CSMD3: variants seen among roughly 807,000 people sequenced by gnomAD.
The protein encoded by CSMD3 is CUB and Sushi multiple domains 3, also known as CUB and sushi domain-containing protein 3.
A neutral mutation model predicts 435.2 loss-of-function variants in CSMD3; 177 were observed. That is an observed-to-expected ratio of 0.41 (90% confidence interval 0.36 to 0.46). The LOEUF is 0.46. Ranked by LOEUF, CSMD3 falls within the 20% of genes least tolerant of loss-of-function variation. CSMD3 has a pLI of 0.34. For synonymous variants in CSMD3, 1,656 were observed against 1,520.5 expected, an observed-to-expected ratio of 1.09 and a Z score of -2.07; for missense variants, 4,265 against 4,504.6, an observed-to-expected ratio of 0.95 and a Z score of 1.52.
chr8:112,890,379 A>G (rs1041998799), intron 10 of CSMD3, among the ~76,000 whole-genome samples: 1 of 151,746 alleles, frequency 6.6e-6, no homozygotes, highest in African/African-American at 2.4e-5. Flanking sequence ...TAGAAACATG[A>G]GGTAACATTA....
intron 4 of CSMD3, among the ~76,000 whole-genome samples, chr8:113,115,908 C>A (rs774010659): frequency 6.6e-6 from 1 of 152,008 alleles, no homozygotes; most frequent in African/African-American, 2.4e-5. Context: ...GGGATTAGTG[C>A]CTAGAAAATA....
chr8:112,725,791 A>C (rs1044902172), intron 13 of CSMD3, among the ~76,000 whole-genome samples: 1 of 152,002 alleles, frequency 6.6e-6, no homozygotes, highest in African/African-American at 2.4e-5. Flanking sequence ...TTTGAATTTC[A>C]ATCCATAAAG....
intron 28 of CSMD3, among the ~76,000 whole-genome samples, chr8:112,508,563 C>G (rs776204442): frequency 1.3e-5 from 2 of 152,132 alleles, no homozygotes; most frequent in Non-Finnish European, 2.9e-5. Context: ...GGATTCAGAG[C>G]ACAACATTCT....
intron 32 of CSMD3, among the ~76,000 whole-genome samples, chr8:112,442,248 A>G (rs1815104903): frequency 6.6e-6 from 1 of 152,108 alleles, no homozygotes; most frequent in South Asian, 2.1e-4. Flanking sequence ...TTCATGAGGG[A>G]TCCATCCCCA....
chr8:113,350,013 G>A (rs949969727), intron 1 of CSMD3, among the ~76,000 whole-genome samples: 9 of 151,908 alleles, frequency 5.9e-5, no homozygotes, highest in African/African-American at 1.2e-4. Flanking sequence ...TCTAGAGTCC[G>A]AGGCTACCAT....
chr8:113,047,913 A>C (rs2087905866), intron 5 of CSMD3, among the ~76,000 whole-genome samples: 1 of 152,164 alleles, frequency 6.6e-6, no homozygotes, highest in Non-Finnish European at 1.5e-5. Flanking sequence ...ATACTACTGT[A>C]ACTTCTTTGA....
chr8:113,136,298 G>C (rs901965344), intron 4 of CSMD3, among the ~76,000 whole-genome samples: 1 of 151,482 alleles, frequency 6.6e-6, no homozygotes, highest in Non-Finnish European at 1.5e-5. Context: ...TTGAGCATTT[G>C]AACTGTGGCT....
chr8:113,142,273 T>A (rs2091567007), intron 4 of CSMD3, among the ~76,000 whole-genome samples: 1 of 151,300 alleles, frequency 6.6e-6, no homozygotes, highest in Non-Finnish European at 1.5e-5. Flanking sequence ...AAACTTAATC[T>A]AAAATTTATA....
rs531194510 is a variant in CSMD3, at chr8:112,484,837, TA to T, written c.5278+7651del. On this transcript the variant is annotated intron_variant, in intron 31 of 70. Coordinates refer to ENST00000297405, the MANE Select transcript of CSMD3 (RefSeq NM_198123.2). ...CATTTTGGATTTGGGATTTTCAGAT[TA>T]GGGGTGTTCAACTGGTAAGTATAAA... Among the ~76,000 whole-genome samples, 58 of 152,160 alleles carry T rather than the reference TA, an allele frequency of 3.8e-4. 2 individuals are homozygous for T. In the South Asian group the frequency reaches 0.01, roughly 27 times the overall value.
At chr8:112,686,795 A>T (rs559284988) in intron 14 of CSMD3, among the ~76,000 whole-genome samples, 34 of 151,918 alleles carry the variant, frequency 2.2e-4, no homozygotes, top group Middle Eastern at 3.2e-3. Flanking sequence ...CTTTTATTAC[A>T]TATTTTTTAA....
At chr8:112,273,797 T>C (rs1422563757) in intron 59 of CSMD3, among the ~76,000 whole-genome samples, 2 of 151,880 alleles carry the variant, frequency 1.3e-5, no homozygotes, top group African/African-American at 4.8e-5. Context: ...AATTTGTCTA[T>C]TGAAGTCTGT....
intron 1 of CSMD3, among the ~76,000 whole-genome samples, chr8:113,335,769 CT>C (rs1364886468): frequency 4.0e-5 from 6 of 151,174 alleles, no homozygotes; most frequent in Admixed American, 3.3e-4. Flanking sequence ...TAATTACATC[CT>C]GTTGGTCAAC....
intron 35 of CSMD3, among the ~76,000 whole-genome samples, chr8:112,396,034 A>C (rs944131582): frequency 6.6e-6 from 1 of 152,210 alleles, no homozygotes; most frequent in African/African-American, 2.4e-5. Context: ...CATTTTAACT[A>C]TAAGCACAAC....
chr8:112,511,614 T>C (rs1823146292), intron 28 of CSMD3, among the ~76,000 whole-genome samples: 1 of 151,942 alleles, frequency 6.6e-6, no homozygotes. Context: ...ATGGTCTCGA[T>C]TTCCTGACCT....
intron 4 of CSMD3, among the ~76,000 whole-genome samples, chr8:113,163,221 T>C (rs978167355): frequency 1.3e-5 from 2 of 152,128 alleles, no homozygotes; most frequent in African/African-American, 4.8e-5. Context: ...AACAATAGAA[T>C]GCCCAATAAT....
chr8:112,469,155 C>A (rs1296111732), intron 32 of CSMD3, among the ~76,000 whole-genome samples: 2 of 114,602 alleles, frequency 1.7e-5, no homozygotes, highest in East Asian at 2.7e-4. Context: ...TAATTCTACA[C>A]CAGGCAAAAA....
At chr8:112,759,742 C>T (rs547362152) in intron 13 of CSMD3, among the ~76,000 whole-genome samples, 19 of 152,092 alleles carry the variant, frequency 1.2e-4, no homozygotes, top group Admixed American at 2.6e-4. Flanking sequence ...GTGTTATTTT[C>T]GCAGCCTTTT....
chr8:112,511,163 T>G (rs2130954433), intron 28 of CSMD3, among the ~76,000 whole-genome samples: 1 of 152,280 alleles, frequency 6.6e-6, no homozygotes, highest in East Asian at 1.9e-4. Context: ...ATGTTTACAC[T>G]ATCTTGTAGT....
chr8:112,937,347 A>T (rs2083311536), intron 9 of CSMD3, among the ~76,000 whole-genome samples: 2 of 141,664 alleles, frequency 1.4e-5, no homozygotes, highest in Non-Finnish European at 3.0e-5. Context: ...GACCTAGGTA[A>T]TAATGTTTTT....
Sources: allele counts gnomAD v4.1 joint callset (sites outside exome capture counted in the v4.1 genomes callset), GRCh38; gene constraint gnomAD v4.1.1; transcripts MANE v1.5; gene names NCBI Gene and HGNC (gene_info 2026-07-23, HGNC 2026-07-21).